Variants in RUFY3 observed in about 807,000 individuals in gnomAD.
RUFY3 encodes the protein protein RUFY3.
RUFY3 carries 34 observed loss-of-function variants against 84.0 expected under a neutral mutation model. That is an observed-to-expected ratio of 0.40 (90% CI 0.31 to 0.54). The LOEUF (loss-of-function observed/expected upper bound fraction) is 0.54, where lower values mean the gene tolerates loss of function less well. Ranked by LOEUF, RUFY3 falls within the 20% of genes least tolerant of loss-of-function variation. The pLI, the probability that RUFY3 is intolerant of heterozygous loss-of-function variation, is 0.39. For missense variants in RUFY3, 507 were observed against 736.8 expected (o/e 0.69, Z 3.61); for synonymous variants, 242 against 252.9 (o/e 0.96, Z 0.41).
intron 1 of RUFY3, among the ~76,000 whole-genome samples, chr4:70,733,330 A>T (rs1476906161): frequency 6.6e-6 from 1 of 152,160 alleles, no homozygotes; most frequent in Non-Finnish European, 1.5e-5. Context: ...TGTTGTTTAA[A>T]TATATCTTAA....
intron 11 of RUFY3, 146 bp downstream of exon 11, chr4:70,789,119 C>T (rs1578227084): frequency 1.4e-6 from 2 of 1,393,762 alleles, no homozygotes; most frequent in East Asian, 5.0e-5. Context: ...AAACTACTTT[C>T]AGAATCAGAC....
At chr4:70,724,207 C>T (rs1717848093) in intron 1 of RUFY3, among the ~76,000 whole-genome samples, 1 of 152,138 alleles carries the variant, frequency 6.6e-6, no homozygotes, top group Non-Finnish European at 1.5e-5. Flanking sequence ...AAAACAGCCT[C>T]CAAAGCTTTA....
intron 1 of RUFY3, chr4:70,741,576 G>A: frequency 6.9e-7 from 1 of 1,456,812 alleles, no homozygotes; most frequent in Non-Finnish European, 9.2e-7. Context: ...TTCTTTCTGG[G>A]CTTGCATGAC....
chr4:70,788,041 CT>C (rs1459231432), intron 10 of RUFY3, among the ~76,000 whole-genome samples: 2 of 149,592 alleles, frequency 1.3e-5, no homozygotes, highest in African/African-American at 4.9e-5. Context: ...AATCCCAGCA[CT>C]TTGGGAGGCT....
intron 1 of RUFY3, among the ~76,000 whole-genome samples, chr4:70,746,865 C>T (rs959679266): frequency 6.6e-6 from 1 of 152,056 alleles, no homozygotes; most frequent in Non-Finnish European, 1.5e-5. Flanking sequence ...AAATGAAGAA[C>T]AGATTAGTGG....
At chr4:70,785,448 A>C (rs1306163980) in intron 10 of RUFY3, among the ~76,000 whole-genome samples, 2 of 152,170 alleles carry the variant, frequency 1.3e-5, no homozygotes, top group Non-Finnish European at 2.9e-5. Context: ...AAGTGTTGAC[A>C]AGGATGTAGA....
At chr4:70,775,263 TG>T in intron 7 of RUFY3, 30 bp downstream of exon 7, 1 of 1,400,156 alleles carries the variant, frequency 7.1e-7, no homozygotes. Flanking sequence ...ATTACTTTAC[TG>T]GGGAATTGTT....
At chr4:70,734,112 G>GT (rs1397344893) in intron 1 of RUFY3, among the ~76,000 whole-genome samples, 1 of 151,988 alleles carries the variant, frequency 6.6e-6, no homozygotes, top group African/African-American at 2.4e-5. Context: ...TTTATTTTGG[G>GT]TTTTTTTCAA....
intron 1 of RUFY3, among the ~76,000 whole-genome samples, chr4:70,733,489 C>T (rs1004609047): frequency 6.6e-6 from 1 of 152,040 alleles, no homozygotes; most frequent in Non-Finnish European, 1.5e-5. Context: ...AGACACCTAT[C>T]CTAAGGAAAT....
chr4:70,787,040 C>T (rs1729929145), intron 10 of RUFY3, among the ~76,000 whole-genome samples: 1 of 150,778 alleles, frequency 6.6e-6, no homozygotes, highest in African/African-American at 2.4e-5. Context: ...CTTGATAGTA[C>T]ATGCCTGTAT....
intron 4 of RUFY3, among the ~76,000 whole-genome samples, chr4:70,766,090 G>T (rs1429082979): frequency 6.6e-6 from 1 of 152,068 alleles, no homozygotes. Context: ...AAAGAAATAA[G>T]GAACTAATAT....
chr4:70,732,076 A>C (rs1719366557), intron 1 of RUFY3, among the ~76,000 whole-genome samples: 1 of 152,120 alleles, frequency 6.6e-6, no homozygotes, highest in South Asian at 2.1e-4. Flanking sequence ...TTGTTTTACT[A>C]TTCTGACTTG....
rs1730754484 is a variant in RUFY3, at chr4:70,791,169, T to G, written c.1337+1577T>G. ...ATTCTCTTGCTATTTTTGTGTTTCC[T>G]GTTTATCCATTTTCTCATTCTCCTT... On this transcript the variant is annotated intron_variant, in intron 12 of 17. Coordinates refer to ENST00000381006, the MANE Select transcript of RUFY3 (RefSeq NM_001037442.4). The G allele has an allele frequency of 4.2e-6, 6 of 1,437,946 alleles. No homozygotes were observed. In the South Asian group the frequency reaches 6.9e-5, roughly 17 times the overall value. 89.1% of individuals were successfully genotyped at this position (1,437,946 alleles called of 1,614,324 possible). A position where few individuals can be genotyped will look rare whatever the true frequency, so the allele number is the denominator to read the frequency against.
rs1018982850 is a variant in RUFY3 at position 70,783,192 on chromosome 4, T to C, written c.987+9T>C. Reference sequence around the variant, plus strand: ...TGGAATCCAATCGGAAGGTTAATCTTACTGGATTTATAAAATATTCACTGA... The same window carrying C: ...TGGAATCCAATCGGAAGGTTAATCTCACTGGATTTATAAAATATTCACTGA... On this transcript the variant is annotated intron_variant, in intron 9 of 17. Transcript: ENST00000381006. The C allele has an allele frequency of 2.0e-6, 3 of 1,511,658 alleles. No individual in the cohort carries two copies. The African/African-American group carries it at 4.1e-5, about 21-fold the overall frequency. 93.6% of individuals were successfully genotyped at this position (1,511,658 alleles called of 1,614,324 possible).
chr4:70,737,847 T>A (rs1168687576), intron 1 of RUFY3, among the ~76,000 whole-genome samples: 1 of 151,852 alleles, frequency 6.6e-6, no homozygotes, highest in Non-Finnish European at 1.5e-5. Context: ...CTAATTTTTG[T>A]ATTTTTAGTA....
chr4:70,735,785 G>A (rs958071956), intron 1 of RUFY3, among the ~76,000 whole-genome samples: 2 of 152,026 alleles, frequency 1.3e-5, no homozygotes, highest in Non-Finnish European at 2.9e-5. Context: ...TCAGGAGTTC[G>A]AGACCAGCCT....
chr4:70,733,619 G>A (rs1285826163), intron 1 of RUFY3, among the ~76,000 whole-genome samples: 1 of 152,122 alleles, frequency 6.6e-6, no homozygotes, highest in Non-Finnish European at 1.5e-5. Flanking sequence ...TATTCAATAA[G>A]TTGTAGAACA....
chr4:70,754,714 T>C (rs2148682048), intron 1 of RUFY3, among the ~76,000 whole-genome samples: 1 of 152,212 alleles, frequency 6.6e-6, no homozygotes, highest in African/African-American at 2.4e-5. Flanking sequence ...TTTAGTACTT[T>C]CACTTCTTTC....
At chr4:70,726,419 A>G (rs572977083) in intron 1 of RUFY3, among the ~76,000 whole-genome samples, 17 of 152,066 alleles carry the variant, frequency 1.1e-4, no homozygotes, top group Admixed American at 1.3e-4. Flanking sequence ...CTGGAGTGCA[A>G]TGGCGCTATC....
Sources: gnomAD v4.1 joint callset for allele counts (sites outside exome capture counted in the v4.1 genomes callset) on GRCh38, gnomAD v4.1.1 for gene constraint, MANE v1.5 for transcripts, NCBI Gene and HGNC (gene_info 2026-07-23, HGNC 2026-07-21) for gene names.